The following SZT2 variants were observed in gnomAD, a reference collection of about 807,000 sequenced individuals.
The protein encoded by SZT2 is KICSTOR complex protein SZT2.
A neutral mutation model predicts 404.2 loss-of-function variants in SZT2; 216 were observed. The observed-to-expected ratio is 0.53, with a 90% CI of 0.48 to 0.60. The LOEUF (loss-of-function observed/expected upper bound fraction) is 0.60. Ranked by LOEUF, SZT2 falls within the 20% of genes least tolerant of loss-of-function variation. The pLI is 0.00. For missense variants in SZT2, 3,857 were observed against 4,459.2 expected, an observed-to-expected ratio of 0.86 and a Z score of 3.85; for synonymous variants, 1,693 against 1,749.9, an observed-to-expected ratio of 0.97 and a Z score of 0.81.
chr1:43,403,020 A>G (rs1649867292), intron 1 of SZT2, among the ~76,000 whole-genome samples, 157 bp from the exon 2 acceptor site: 1 of 152,170 alleles, frequency 6.6e-6, no homozygotes, highest in Non-Finnish European at 1.5e-5. Context: ...ACTCCCTGGG[A>G]ACACCTTGCA....
At chr1:43,422,660 C>CCCCCCCCCCCCCCCCCCCCCCCCCCCCCT in intron 13 of SZT2, 28 bp downstream of exon 13, 1 of 877,184 alleles carries the variant, frequency 1.1e-6, no homozygotes, top group South Asian at 1.6e-5. Flanking sequence ...CCTTCACCCC[C>CCCCCCCCCCCCCCCCCCCCCCCCCCCCCT]CGCCCCCCCA....
Position 43,446,001 on chromosome 1 carries a change from T to G in SZT2, c.8916+17T>G. ...AGCCCCAAGGTAACTTGTCATATAA[T>G]GGTAAAGTTACTGATGCTAAATTAC... On this transcript the variant is annotated intron_variant, in intron 63 of 71. Transcript: ENST00000634258. 2 of 1,612,580 alleles carry G rather than the reference T, an allele frequency of 1.2e-6. No individual in the cohort carries two copies. The highest frequency in any genetic ancestry group is 1.7e-6 in the Non-Finnish European group (2 of 1,178,734).
intron 62 of SZT2, among the ~76,000 whole-genome samples, chr1:43,444,179 C>G (rs916327833): frequency 1.3e-5 from 2 of 152,160 alleles, no homozygotes; most frequent in Non-Finnish European, 2.9e-5. Flanking sequence ...TCACTGCAAC[C>G]TCCACCTCCT....
At chr1:43,440,288 A>G (rs968096457) in intron 51 of SZT2, among the ~76,000 whole-genome samples, 165 bp from the exon 52 acceptor site, 3 of 152,208 alleles carry the variant, frequency 2.0e-5, no homozygotes, top group African/African-American at 7.2e-5. Context: ...TCAGAGGCTC[A>G]CTTCACACAA....
At chr1:43,392,641 C>A (rs929382546) in intron 1 of SZT2, among the ~76,000 whole-genome samples, 1 of 152,186 alleles carries the variant, frequency 6.6e-6, no homozygotes, top group African/African-American at 2.4e-5. Context: ...TCTCAATCTC[C>A]TGTCCTCGTG....
At position 43,448,209 on chromosome 1, in the gene SZT2, C is replaced by T; in HGVS notation, c.9694C>T (p.Pro3232Ser). Residue 3232 changes from proline to serine, a missense_variant, in exon 69 of 72, where the codon CCT becomes TCT. Physicochemically the swap from Pro to Ser is moderately conservative, Grantham distance 74 (BLOSUM62 -1). Around this residue, in one of 7 missense-constraint regions of SZT2, gnomAD observed 717 missense variants for 868.2 expected, o/e 0.83. Coordinates refer to ENST00000634258, the MANE Select transcript of SZT2 (RefSeq NM_001365999.1). The surrounding 1 kb of genome is among the most constrained non-coding windows in gnomAD (Gnocchi z 4.2). The part of the protein sequence containing the change: ...PEAPGSSAGS[P>S]GEASGLILAP... ...GGCTCCTGGGAGTTCAGCTGGCAGC[C>T]CTGGGGAGGCCTCAGGGCTTATTCT... is the stretch of plus-strand genomic sequence containing the variant. 2 of 1,609,082 alleles carry T rather than the reference C, an allele frequency of 1.2e-6. No individual in the cohort carries two copies. Among genetic ancestry groups the T allele is most frequent in the Non-Finnish European group, 1.7e-6 (2 of 1,177,760 alleles).
intron 4 of SZT2, 83 bp downstream of exon 4, chr1:43,404,633 G>A: frequency 1.4e-6 from 2 of 1,446,430 alleles, no homozygotes. Flanking sequence ...TGTCTCTGCT[G>A]TTTGTCCCCA....
chr1:43,423,425 G>A (rs991037211), intron 15 of SZT2, 109 bp downstream of exon 15: 3 of 1,096,544 alleles, frequency 2.7e-6, no homozygotes, highest in Non-Finnish European at 3.8e-6. Flanking sequence ...TGGAGTGCGT[G>A]GCTTAGTGGG....
rs567515914 is a variant in SZT2 at position 43,443,692 on chromosome 1, T to G, written c.8721T>G (p.Pro2907=). ...DVSPPGAREE[P]WLKELSLAFL... ...CGCCCCCGGGAGCCCGTGAGGAGCC[T>G]TGGCTGAAGGAGCTGAGCTTGGCTT... The change falls in exon 62 of 72, where the codon CCT becomes CCG. Residue 2907 remains proline (P), a synonymous_variant. Transcript: ENST00000634258. The G allele has an allele frequency of 1.2e-6, 2 of 1,614,236 alleles. No homozygotes were observed. Among genetic ancestry groups the G allele is most frequent in the Admixed American group, 3.3e-5 (2 of 60,036 alleles).
chr1:43,441,312 CGA>C lies in SZT2; in HGVS notation c.7447_7448del (p.Ser2483CysfsTer8). The C allele has an allele frequency of 2.5e-6, 4 of 1,614,210 alleles. No homozygotes were observed. The highest frequency in any genetic ancestry group is 1.1e-5 in the South Asian group (1 of 91,082). ...CTCGGGGCCGGAGGCGTCACAAAACCGAGAGTGTTCGGACTCCTGGTGGAGCT... is the reference window on the plus strand; with the variant it reads ...CTCGGGGCCGGAGGCGTCACAAAACCGAGTGTTCGGACTCCTGGTGGAGCT... ...DTRGRRRHKTESVRTPGGAER... is the reference protein window; with the variant it reads ...DTRGRRRHKTXSVRTPGGAER... On this transcript the variant is annotated frameshift_variant, in exon 53 of 72. Transcript: ENST00000634258. LOFTEE classifies it high-confidence loss of function. The surrounding 1 kb of genome is among the most constrained non-coding windows in gnomAD (Gnocchi z 4.8).
In SZT2 at chr1:43,422,027, G is replaced by A. The variant is rs368042353; in HGVS notation, c.1627-56G>A. 1.6e-4 allele frequency: 252 copies of A among 1,540,224 alleles called. 2 individuals are homozygous for A. The South Asian group carries it at 2.7e-3, about 17-fold the overall frequency. On this transcript the variant is annotated intron_variant, in intron 11 of 71. Transcript: ENST00000634258. The stretch of plus-strand genomic sequence containing the variant: ...CCCATGGTTTTGTTTGCTCTTTGGA[G>A]TTTGTACCCTGGTCCTCTGCAAATG...
At chr1:43,396,439 T>G (rs939454666) in intron 1 of SZT2, among the ~76,000 whole-genome samples, 1 of 152,172 alleles carries the variant, frequency 6.6e-6, no homozygotes, top group African/African-American at 2.4e-5. Flanking sequence ...GGTCAAGATA[T>G]TATCAAAAAG....
chr1:43,450,231 A>C lies in SZT2; in HGVS notation c.10155+60A>C, dbSNP rs1044859328. 2 of 1,613,504 alleles carry C rather than the reference A, an allele frequency of 1.2e-6. No individual in the cohort carries two copies. Among genetic ancestry groups the C allele is most frequent in the Non-Finnish European group, 1.7e-6 (2 of 1,179,548 alleles). On this transcript the variant is annotated intron_variant, in intron 71 of 71. Coordinates refer to ENST00000634258, the MANE Select transcript of SZT2 (RefSeq NM_001365999.1). The surrounding 1 kb of genome is among the most constrained non-coding windows in gnomAD (Gnocchi z 4.3). ...TGGGAGGCCGTACCCCAAATGCTCC[A>C]CCTCGGAGCCTGCTGAGGTTGGGGT...
At position 43,440,565 on chromosome 1, in the gene SZT2, G is replaced by T. The variant is rs752590853; in HGVS notation, c.7323G>T (p.Arg2441=). The part of the protein sequence containing the change: ...EPVTPPSKAG[R]RSFWDMLSKT... Reference sequence around the variant, plus strand: ...TGACTCCACCCAGCAAAGCGGGCCGGCGTAGCTTCTGGGATATGCTGGTAA... The same window carrying T: ...TGACTCCACCCAGCAAAGCGGGCCGTCGTAGCTTCTGGGATATGCTGGTAA... Residue 2441 remains arginine, a synonymous_variant, in exon 52 of 72, where the codon CGG becomes CGT. Transcript: ENST00000634258. The T allele has an allele frequency of 1.4e-5, 22 of 1,603,004 alleles. No homozygotes were observed. Among genetic ancestry groups the T allele is most frequent in the Non-Finnish European group, 1.9e-5 (22 of 1,175,154 alleles).
At position 43,431,087 on chromosome 1, in the gene SZT2, A is replaced by T; in HGVS notation, c.4913A>T (p.His1638Leu). The part of the protein sequence containing the change: ...ELPTASDPQH[H>L]RSTSESSASF... ...CCCACGGCCTCGGACCCTCAGCACC[A>T]CCGGTGTGGCAGCAAGTTTGGTGGG... Residue 1638 changes from histidine (H) to leucine (L), a missense_variant, in exon 33 of 72, where the codon CAC (histidine) becomes CTC (leucine). Transcript: ENST00000634258. 1 of 1,612,222 alleles carries T rather than the reference A, an allele frequency of 6.2e-7. No individual in the cohort carries two copies. Among genetic ancestry groups the T allele is most frequent in the Non-Finnish European group, 8.5e-7 (1 of 1,179,422 alleles).
intron 10 of SZT2, 73 bp from the exon 11 acceptor site, chr1:43,421,101 T>C (rs1459098688): frequency 6.3e-7 from 1 of 1,596,244 alleles, no homozygotes; most frequent in Non-Finnish European, 8.5e-7. Context: ...CAGGGTCCCA[T>C]GTCCCCCTAA....
Position 43,422,544 on chromosome 1 carries a change from A to C in SZT2, c.1834A>C (p.Ile612Leu). The change falls in exon 13 of 72, where the codon ATC (isoleucine) becomes CTC (leucine). Residue 612 changes from isoleucine (I) to leucine (L), a missense_variant. By Grantham distance (5) the Ile-to-Leu change is conservative. Around this residue, in one of 7 missense-constraint regions of SZT2, gnomAD observed 1,725 missense variants for 1,881.0 expected, o/e 0.92. Coordinates refer to ENST00000634258, the MANE Select transcript of SZT2 (RefSeq NM_001365999.1). ...NGRYSTIQCRISHSSLTSLLR... is the reference protein window; with the variant it reads ...NGRYSTIQCRLSHSSLTSLLR... Reference sequence around the variant, plus strand: ...GCGCTACAGCACTATCCAGTGCAGGATCTCCCACTCCTCCCTGACCTCTCT... The same window carrying C: ...GCGCTACAGCACTATCCAGTGCAGGCTCTCCCACTCCTCCCTGACCTCTCT... 1.3e-6 allele frequency: 2 copies of C among 1,598,064 alleles called. No individual in the cohort carries two copies. Among genetic ancestry groups the C allele is most frequent in the Non-Finnish European group, 1.7e-6 (2 of 1,179,682 alleles).
At chr1:43,415,803 G>A (rs1356713276) in intron 5 of SZT2, among the ~76,000 whole-genome samples, 157 bp from the exon 6 acceptor site, 1 of 152,228 alleles carries the variant, frequency 6.6e-6, no homozygotes, top group Admixed American at 6.5e-5. Flanking sequence ...CAGGGAGGAA[G>A]CACAGTCAAG....
intron 1 of SZT2, among the ~76,000 whole-genome samples, chr1:43,393,828 C>CAAA (rs1648682101): frequency 6.6e-6 from 1 of 152,166 alleles, no homozygotes; most frequent in Non-Finnish European, 1.5e-5. Flanking sequence ...ATGTAGACCT[C>CAAA]AATAAATATT....
Sources: allele counts gnomAD v4.1 joint callset (sites outside exome capture counted in the v4.1 genomes callset), GRCh38; gene constraint gnomAD v4.1.1; regional missense constraint gnomAD v4.1.1; non-coding constraint Gnocchi (gnomAD v3.1); transcripts MANE v1.5; gene names NCBI Gene and HGNC (gene_info 2026-07-23, HGNC 2026-07-21).